Variants in CTBP1 observed in about 807,000 individuals in gnomAD.
CTBP1 encodes the protein C-terminal binding protein 1, also known as C-terminal-binding protein 1.
In CTBP1, 11 loss-of-function variants were observed where a neutral mutation model predicts 42.1. The ratio of observed to expected loss-of-function variants is 0.26; its 90% CI spans 0.16 to 0.43. CTBP1 has a LOEUF of 0.43. CTBP1 is among the 20% of genes least tolerant of loss of function. CTBP1 has a pLI of 1.00. For synonymous variants in CTBP1, 324 were observed against 277.1 expected, an observed-to-expected ratio of 1.17 and a Z score of -1.68; for missense variants, 399 against 624.3, an observed-to-expected ratio of 0.64 and a Z score of 3.85.
chr4:1,215,710 C>G, intron 6 of CTBP1: 1 of 496,556 alleles, frequency 2.0e-6, no homozygotes, highest in Non-Finnish European at 3.6e-6. Flanking sequence ...TCTGTCCCCA[C>G]TGTGACAACA....
At chr4:1,230,822 A>T (rs1265067551) in intron 3 of CTBP1, among the ~76,000 whole-genome samples, 1 of 152,216 alleles carries the variant, frequency 6.6e-6, no homozygotes, top group African/African-American at 2.4e-5. Flanking sequence ...CCGTGATGAA[A>T]ATCTATCTCA....
intron 1 of CTBP1, among the ~76,000 whole-genome samples, chr4:1,245,960 C>T (rs898630713): frequency 4.6e-5 from 7 of 152,288 alleles, no homozygotes; most frequent in African/African-American, 7.2e-5. Context: ...CACCTGGGGC[C>T]GCCCAGAGAG....
At chr4:1,237,716 C>T in intron 3 of CTBP1, 1 of 689,818 alleles carries the variant, frequency 1.4e-6, no homozygotes, top group Non-Finnish European at 2.6e-6. Flanking sequence ...AACCCCGTGT[C>T]CACCTCCTGA....
chr4:1,234,172 C>T (rs1731249529), intron 3 of CTBP1, among the ~76,000 whole-genome samples: 1 of 152,252 alleles, frequency 6.6e-6, no homozygotes, highest in African/African-American at 2.4e-5. Flanking sequence ...GCGGACTCGG[C>T]ATCCAGGCAG....
chr4:1,239,383 A>G (rs1219728070), intron 2 of CTBP1, among the ~76,000 whole-genome samples: 1 of 152,162 alleles, frequency 6.6e-6, no homozygotes, highest in Non-Finnish European at 1.5e-5. Flanking sequence ...CAGGAGACCA[A>G]GCAGTACCCA....
At chr4:1,213,284 C>T (rs1331034097) in intron 8 of CTBP1, among the ~76,000 whole-genome samples, 194 bp downstream of exon 8, 4 of 152,180 alleles carry the variant, frequency 2.6e-5, no homozygotes, top group Non-Finnish European at 5.9e-5. Flanking sequence ...CCCAGCAGGT[C>T]CTGTGTGTAA....
chr4:1,213,457 C>A (rs1238173284), intron 8 of CTBP1, 21 bp downstream of exon 8: 2 of 1,606,876 alleles, frequency 1.2e-6, no homozygotes. Flanking sequence ...CCAGGCCTGA[C>A]CGAGCGGCCC....
At chr4:1,247,457 C>A (rs368989390) in intron 1 of CTBP1, among the ~76,000 whole-genome samples, 1 of 152,150 alleles carries the variant, frequency 6.6e-6, no homozygotes, top group African/African-American at 2.4e-5. Context: ...CAGGCCCGGG[C>A]AGGCAGGGGA....
In CTBP1 at chr4:1,214,464, C is replaced by T; in HGVS notation, c.739G>A (p.Gly247Arg). 2 of 1,588,060 alleles carry T rather than the reference C, an allele frequency of 1.3e-6. No homozygotes were observed. Among genetic ancestry groups the T allele is most frequent in the Non-Finnish European group, 1.7e-6 (2 of 1,169,500 alleles). The change falls in exon 7 of 10, where the codon GGG (glycine) becomes AGG (arginine). Residue 247 changes from glycine (G) to arginine (R), a missense_variant. Physicochemically the swap from Gly to Arg is moderately radical, Grantham distance 125. Coordinates refer to ENST00000382952, the MANE Select transcript of CTBP1 (RefSeq NM_001012614.2). ...CGGGCTGTGTTCACCAGGAAGGCCC[C>T]TTGTCTCATCTAGAAGACATAAGGA... Reference protein sequence around the residue: ...NDFTVKQMRQGAFLVNTARGG... With the variant: ...NDFTVKQMRQRAFLVNTARGG...
chr4:1,249,732 C>T (rs1037338999), upstream of CTBP1: 3 of 375,570 alleles, frequency 8.0e-6, no homozygotes, highest in Admixed American at 6.3e-5. Flanking sequence ...AGCCCCGACT[C>T]CTGGAGGGAC....
Position 1,225,451 on chromosome 4 carries a change from C to T in CTBP1, c.423G>A (p.Glu141=). The T allele has an allele frequency of 6.5e-7, 1 of 1,544,372 alleles. No homozygotes were observed. The highest frequency in any genetic ancestry group is 8.7e-7 in the Non-Finnish European group (1 of 1,147,432). The change falls in exon 5 of 10, where the codon GAG becomes GAA. Residue 141 remains glutamate, a synonymous_variant. Coordinates refer to ENST00000382952, the MANE Select transcript of CTBP1 (RefSeq NM_001012614.2). ...RATWLHQALR[E]GTRVQSVEQI... ...GCTCGACGCTCTGGACTCGTGTGCCCTCCCGCAGCGCCTGGTGCAGCCAGG... is the reference window on the plus strand; with the variant it reads ...GCTCGACGCTCTGGACTCGTGTGCCTTCCCGCAGCGCCTGGTGCAGCCAGG...
chr4:1,246,175 T>C lies in CTBP1; in HGVS notation c.-189+2741A>G, dbSNP rs574427460. Among the ~76,000 whole-genome samples the C allele has an allele frequency of 2.6e-5, 4 of 152,274 alleles. No homozygotes were observed. The East Asian group carries it at 7.7e-4, about 29-fold the overall frequency. Reference sequence around the variant, plus strand: ...GGGGAGAGCAGTGGGCTCCGGCCACTGCAGCTGACAATGGAGGACCCGGGG... The same window carrying C: ...GGGGAGAGCAGTGGGCTCCGGCCACCGCAGCTGACAATGGAGGACCCGGGG... On this transcript the variant is annotated intron_variant, in intron 1 of 9. Coordinates refer to ENST00000382952, the MANE Select transcript of CTBP1 (RefSeq NM_001012614.2).
At chr4:1,230,030 G>C (rs1307069862) in intron 3 of CTBP1, among the ~76,000 whole-genome samples, 1 of 152,206 alleles carries the variant, frequency 6.6e-6, no homozygotes, top group Non-Finnish European at 1.5e-5. Flanking sequence ...ACAGGTGTGT[G>C]TAACACTCAT....
rs975595539 is a variant in CTBP1 at position 1,245,570 on chromosome 4, C to T, written c.-189+3346G>A. On this transcript the variant is annotated intron_variant, in intron 1 of 9. Transcript: ENST00000382952. Reference sequence around the variant, plus strand: ...CAGGTCAGGGTGGCACAGGAGGGCACGGTGACACGGGCGGCAGGGAAGAGT... The same window carrying T: ...CAGGTCAGGGTGGCACAGGAGGGCATGGTGACACGGGCGGCAGGGAAGAGT... The T allele has an allele frequency of 4.0e-5, 39 of 982,324 alleles. No homozygotes were observed. The East Asian group carries it at 4.6e-4, about 12-fold the overall frequency. 60.9% of individuals were successfully genotyped at this position (982,324 alleles called of 1,614,324 possible). A position where few individuals can be genotyped will look rare whatever the true frequency, so the allele number is the denominator to read the frequency against.
chr4:1,214,549 C>T (rs1436603126), intron 6 of CTBP1, 76 bp from the exon 7 acceptor site: 6 of 1,482,900 alleles, frequency 4.0e-6, no homozygotes, highest in African/African-American at 2.9e-5. Context: ...AAGGTGGTCA[C>T]GCACGCCGTT....
In CTBP1 at chr4:1,233,090, G is replaced by T. The variant is rs1203870972; in HGVS notation, c.163-4747C>A. On this transcript the variant is annotated intron_variant, in intron 3 of 9. Transcript: ENST00000382952. This position sits in a 1 kb window ranked among gnomAD's most constrained non-coding sequence, Gnocchi z 4.6. ...CACTGGGCAGTCTGCCTGGAAACAG[G>T]CCCCTGCATACGGTGATGGGGTCTC... The T allele has an allele frequency of 6.6e-6, 1 of 152,334 alleles. No individual in the cohort carries two copies. Among genetic ancestry groups the T allele is most frequent in the Admixed American group, 6.5e-5 (1 of 15,284 alleles). 9.4% of individuals were successfully genotyped at this position (152,334 alleles called of 1,614,324 possible). A position where few individuals can be genotyped will look rare whatever the true frequency, so the allele number is the denominator to read the frequency against.
chr4:1,214,071 C>A (rs2108704847), intron 7 of CTBP1: 1 of 486,946 alleles, frequency 2.1e-6, no homozygotes, highest in South Asian at 3.1e-5. Context: ...CTCACAGACA[C>A]TGGGGCCTCA....
chr4:1,238,329 G>T lies in CTBP1; in HGVS notation c.16C>A (p.Pro6Thr). The T allele has an allele frequency of 6.4e-7, 1 of 1,568,204 alleles. No homozygotes were observed. MSGVRPPIMNGPLHPR... is the reference protein window; with the variant it reads MSGVRTPIMNGPLHPR... ...TGCAGGGGCCCGTTCATGATCGGAG[G>T]TCGGACGCCTGCAAGACAGAGGCAA... The change falls in exon 3 of 10, where the codon CCT (proline) becomes ACT (threonine). Residue 6 changes from proline to threonine, a missense_variant. Pro to Thr is a conservative substitution (Grantham distance 38, BLOSUM62 -1). Coordinates refer to ENST00000382952, the MANE Select transcript of CTBP1 (RefSeq NM_001012614.2). The surrounding 1 kb of genome is among the most constrained non-coding windows in gnomAD (Gnocchi z 5.9).
intron 5 of CTBP1, among the ~76,000 whole-genome samples, chr4:1,220,903 C>T (rs557282810): frequency 2.0e-5 from 3 of 152,338 alleles, no homozygotes; most frequent in Admixed American, 2.0e-4. Flanking sequence ...ACCCGGATGA[C>T]CCTGGGGTAA....
Sources: allele counts gnomAD v4.1 joint callset (sites outside exome capture counted in the v4.1 genomes callset), GRCh38; gene constraint gnomAD v4.1.1; non-coding constraint Gnocchi (gnomAD v3.1); transcripts MANE v1.5; gene names NCBI Gene and HGNC (gene_info 2026-07-23, HGNC 2026-07-21).